ZNF569: variants seen among roughly 807,000 people sequenced by gnomAD.
ZNF569 encodes the protein zinc finger protein 569, also known as DNA-binding protein.
A neutral mutation model predicts 56.3 loss-of-function variants in ZNF569; 38 were observed. The observed-to-expected ratio is 0.68, with a 90% confidence interval of 0.52 to 0.88. The LOEUF is 0.88. Among genes scored for constraint, ZNF569 ranks in the 40% least tolerant of loss-of-function variants. ZNF569 has a pLI of 0.00. For missense variants in ZNF569, 666 were observed against 809.2 expected (o/e 0.82, Z 2.15); for synonymous variants, 241 against 262.9 (o/e 0.92, Z 0.81).
intron 3 of ZNF569, among the ~76,000 whole-genome samples, chr19:37,427,146 G>A (rs200340366): frequency 8.7e-5 from 2 of 22,872 alleles, no homozygotes; most frequent in African/African-American, 1.2e-3. Context: ...TGGCGAAACC[G>A]TCTGTACAAA....
At chr19:37,466,921 A>G (rs920616689) in intron 1 of ZNF569, 163 bp downstream of exon 1, 1 of 152,422 alleles carries the variant, frequency 6.6e-6, no homozygotes, top group Admixed American at 6.5e-5. Flanking sequence ...AGACTCTCAC[A>G]GTCCTTCACA....
intron 2 of ZNF569, among the ~76,000 whole-genome samples, chr19:37,451,398 T>C (rs2041590775): frequency 1.0e-5 from 1 of 97,346 alleles, no homozygotes; most frequent in Non-Finnish European, 2.0e-5. Flanking sequence ...AGACCCCATC[T>C]GAAAAAAAAA....
chr19:37,413,296 A>G lies in ZNF569; in HGVS notation c.1362T>C (p.Val454=). The change falls in exon 6 of 6, where the codon GTT becomes GTC. Residue 454 remains valine, a synonymous_variant. Coordinates refer to ENST00000316950, the MANE Select transcript of ZNF569 (RefSeq NM_152484.3). ...CCCCAGTATGAATTCTCTGGTGTCT[A>G]ACAAGATTTGACATCTGTATAAAAG... ...GKAFIQMSNL[V]RHQRIHTGEK... 1 of 1,609,940 alleles carries G rather than the reference A, an allele frequency of 6.2e-7. No homozygotes were observed. Among genetic ancestry groups the G allele is most frequent in the Non-Finnish European group, 8.5e-7 (1 of 1,178,714 alleles).
intron 2 of ZNF569, among the ~76,000 whole-genome samples, chr19:37,464,432 G>A (rs993961273): frequency 7.2e-5 from 11 of 152,180 alleles, no homozygotes; most frequent in South Asian, 4.1e-4. Flanking sequence ...CTCGTGATCC[G>A]CCCACCTTGG....
chr19:37,459,774 G>A (rs1446396611), intron 2 of ZNF569, among the ~76,000 whole-genome samples: 1 of 152,176 alleles, frequency 6.6e-6, no homozygotes, highest in Non-Finnish European at 1.5e-5. Flanking sequence ...TAAGTGAAAT[G>A]AATGACAGGG....
At chr19:37,458,713 G>T (rs770282598) in intron 2 of ZNF569, among the ~76,000 whole-genome samples, 1 of 152,182 alleles carries the variant, frequency 6.6e-6, no homozygotes, top group Non-Finnish European at 1.5e-5. Context: ...ACCTATATAA[G>T]AAAAGATGTG....
rs893496139 is a variant in ZNF569, at chr19:37,411,306, C to T, written c.*1291G>A. On this transcript the variant is annotated 3_prime_UTR_variant, in exon 6 of 6. Transcript: ENST00000316950. ...CTTTGCAAGATCTTATTAAATTATA[C>T]AAATGTTATACTGTGTTCCTTTGTG... 2.0e-5 allele frequency: 3 copies of T among 152,104 alleles called. No individual in the cohort carries two copies. Among genetic ancestry groups the T allele is most frequent in the African/African-American group, 7.2e-5 (3 of 41,440 alleles). The allele number at this position is 152,104 out of a possible 1,614,324, so 9.4% of individuals were successfully genotyped here. A position where few individuals can be genotyped will look rare whatever the true frequency, so the allele number is the denominator to read the frequency against.
chr19:37,444,351 T>C (rs895868905), intron 3 of ZNF569, among the ~76,000 whole-genome samples: 3 of 152,194 alleles, frequency 2.0e-5, no homozygotes, highest in African/African-American at 7.2e-5. Context: ...GTGTAATCTA[T>C]CCATGTTGGT....
intron 5 of ZNF569, among the ~76,000 whole-genome samples, chr19:37,418,633 T>G (rs1334202717): frequency 6.6e-6 from 1 of 152,056 alleles, no homozygotes. Context: ...AGAGAAGTCA[T>G]GCACCATGAA....
intron 2 of ZNF569, among the ~76,000 whole-genome samples, chr19:37,452,335 C>T (rs2041608003): frequency 1.3e-5 from 2 of 152,034 alleles, no homozygotes; most frequent in East Asian, 3.8e-4. Context: ...GTTATTTACC[C>T]ACCACCATTA....
At chr19:37,440,950 G>C (rs1440760790) in intron 3 of ZNF569, among the ~76,000 whole-genome samples, 3 of 151,954 alleles carry the variant, frequency 2.0e-5, no homozygotes, top group Non-Finnish European at 2.9e-5. Context: ...AATATCTTGA[G>C]ACCTTCCATG....
At chr19:37,431,833 T>C (rs969588190) in intron 3 of ZNF569, among the ~76,000 whole-genome samples, 6 of 152,040 alleles carry the variant, frequency 3.9e-5, no homozygotes, top group African/African-American at 1.4e-4. Context: ...CCTGGCAACA[T>C]TCACCACAAG....
intron 3 of ZNF569, among the ~76,000 whole-genome samples, chr19:37,428,861 G>A (rs1010301179): frequency 6.6e-6 from 1 of 152,004 alleles, no homozygotes; most frequent in African/African-American, 2.4e-5. Flanking sequence ...TTTCAGTAGA[G>A]ACGGTGTTCC....
At chr19:37,438,421 C>A (rs1279146514) in intron 3 of ZNF569, among the ~76,000 whole-genome samples, 1 of 152,010 alleles carries the variant, frequency 6.6e-6, no homozygotes, top group African/African-American at 2.4e-5. Flanking sequence ...CAAGCAGACA[C>A]AAAGACCAAT....
intron 1 of ZNF569, among the ~76,000 whole-genome samples, chr19:37,466,428 G>C (rs886582940): frequency 2.0e-5 from 3 of 152,034 alleles, no homozygotes; most frequent in Admixed American, 1.3e-4. Flanking sequence ...TCAGTTGTTC[G>C]AGACCAGCCT....
chr19:37,455,202 A>C (rs758497007), intron 2 of ZNF569: 4 of 232,580 alleles, frequency 1.7e-5, no homozygotes, highest in Non-Finnish European at 3.3e-5. Flanking sequence ...AAGTCAAGTA[A>C]ATTAGCTAGG....
intron 3 of ZNF569, chr19:37,427,751 G>GA (rs2041158619): frequency 1.2e-5 from 6 of 506,872 alleles, no homozygotes; most frequent in African/African-American, 3.9e-5. Flanking sequence ...AGTGTCAGAG[G>GA]AAAAAAACCC....
chr19:37,437,265 T>C (rs2041325459), intron 3 of ZNF569, among the ~76,000 whole-genome samples: 1 of 152,144 alleles, frequency 6.6e-6, no homozygotes, highest in Admixed American at 6.5e-5. Context: ...GAAAAAGCAT[T>C]TGATAAAATT....
chr19:37,441,108 A>C (rs2041397489), intron 3 of ZNF569, among the ~76,000 whole-genome samples: 1 of 152,204 alleles, frequency 6.6e-6, no homozygotes, highest in Non-Finnish European at 1.5e-5. Flanking sequence ...AAAAGGAAAG[A>C]CAGAGGAGAA....
Sources: allele counts gnomAD v4.1 joint callset (sites outside exome capture counted in the v4.1 genomes callset), GRCh38; gene constraint gnomAD v4.1.1; transcripts MANE v1.5; gene names NCBI Gene and HGNC (gene_info 2026-07-23, HGNC 2026-07-21).